The following TMEM181 variants were observed in gnomAD, a reference collection of about 807,000 sequenced individuals.
The protein encoded by TMEM181 is transmembrane protein 181, also known as G protein-coupled receptor 178.
A neutral mutation model predicts 71.9 loss-of-function variants in TMEM181; 39 were observed. That is an observed-to-expected ratio of 0.54 (90% CI 0.42 to 0.71). The LOEUF (loss-of-function observed/expected upper bound fraction) is 0.71, where lower values mean the gene tolerates loss of function less well. TMEM181 is among the 30% of genes least tolerant of loss of function. The pLI, the probability that TMEM181 is intolerant of heterozygous loss-of-function variation, is 0.00. For missense variants in TMEM181, 595 were observed against 583.0 expected, an observed-to-expected ratio of 1.02 and a Z score of -0.21; for synonymous variants, 245 against 228.8, an observed-to-expected ratio of 1.07 and a Z score of -0.64.
At chr6:158,559,713 A>C (rs996658229), upstream of TMEM181, among the ~76,000 whole-genome samples, 13 of 152,194 alleles carry the variant, frequency 8.5e-5, no homozygotes, top group Admixed American at 7.2e-4. Flanking sequence ...TTAGGGAATG[A>C]ATATACAGCT....
chr6:158,605,114 CAAAA>C (rs71812545), intron 6 of TMEM181, among the ~76,000 whole-genome samples, 149 bp from the exon 7 acceptor site: 15 of 41,888 alleles, frequency 3.6e-4, no homozygotes, highest in South Asian at 7.3e-4. Flanking sequence ...ACTCCATATC[CAAAA>C]AAAAAAAAAA....
At chr6:158,584,439 ATC>A (rs540335973) in intron 4 of TMEM181, among the ~76,000 whole-genome samples, 3 of 152,234 alleles carry the variant, frequency 2.0e-5, no homozygotes, top group Non-Finnish European at 2.9e-5. Flanking sequence ...TGCTCCAGGC[ATC>A]TAGTGGGTAG....
rs112893624 is a variant in TMEM181, at chr6:158,628,957, C to T, written c.1192+467C>T. On this transcript the variant is annotated intron_variant, in intron 14 of 16. Coordinates refer to ENST00000684151, the MANE Select transcript of TMEM181 (RefSeq NM_001376852.1). Reference sequence around the variant, plus strand: ...CCCCGGGATATCTCTCTCATCATCACGGAGATGTATCCAAGGGTATGACAG... The same window carrying T: ...CCCCGGGATATCTCTCTCATCATCATGGAGATGTATCCAAGGGTATGACAG... Among the ~76,000 whole-genome samples, 273 of 152,312 alleles carry T rather than the reference C, an allele frequency of 1.8e-3. 1 individual carries two copies. Among genetic ancestry groups the T allele is most frequent in the African/African-American group, 6.1e-3 (253 of 41,574 alleles).
chr6:158,550,524 C>T (rs765845956), intron 1 of TMEM181, among the ~76,000 whole-genome samples: 2 of 151,870 alleles, frequency 1.3e-5, no homozygotes, highest in East Asian at 3.9e-4. Flanking sequence ...GGCGTGGTGT[C>T]GCTTACCTGT....
chr6:158,631,407 A>G lies in TMEM181; in HGVS notation c.1349+18A>G. 3 of 1,613,986 alleles carry G rather than the reference A, an allele frequency of 1.9e-6. No individual in the cohort carries two copies. Among genetic ancestry groups the G allele is most frequent in the Non-Finnish European group, 2.5e-6 (3 of 1,179,846 alleles). The stretch of plus-strand genomic sequence containing the variant: ...ATTTATGGGTAAGTCCCTGTCCGTT[A>G]GAAGGCCGGCACACCTTGGGCATCC... On this transcript the variant is annotated intron_variant, in intron 16 of 16. Transcript: ENST00000684151.
At chr6:158,545,733 T>C (rs527450385) in intron 1 of TMEM181, among the ~76,000 whole-genome samples, 1 of 151,586 alleles carries the variant, frequency 6.6e-6, no homozygotes, top group African/African-American at 2.4e-5. Flanking sequence ...CAGGTTGGAG[T>C]GCAGTGGCTC....
intron 1 of TMEM181, among the ~76,000 whole-genome samples, chr6:158,568,536 G>T (rs1199215197): frequency 6.6e-6 from 1 of 152,212 alleles, no homozygotes; most frequent in Non-Finnish European, 1.5e-5. Flanking sequence ...ACCCTCTCCT[G>T]TTCGTAGGCT....
chr6:158,554,154 T>G (rs1048918640), intron 1 of TMEM181, among the ~76,000 whole-genome samples: 17 of 151,528 alleles, frequency 1.1e-4, no homozygotes, highest in African/African-American at 3.9e-4. Context: ...GGCCCGGTCT[T>G]GGCTCACTGC....
chr6:158,587,370 T>C (rs1783828306), intron 5 of TMEM181, among the ~76,000 whole-genome samples: 1 of 152,230 alleles, frequency 6.6e-6, no homozygotes, highest in Admixed American at 6.5e-5. Flanking sequence ...TACACTGTGT[T>C]ACCCCTTGGG....
intron 10 of TMEM181, among the ~76,000 whole-genome samples, chr6:158,613,496 C>T (rs1269591435): frequency 6.6e-6 from 1 of 151,344 alleles, no homozygotes; most frequent in Non-Finnish European, 1.5e-5. Context: ...GAATTCCTTT[C>T]CTCTTGAGGT....
At chr6:158,585,461 A>G in intron 5 of TMEM181, 36 bp downstream of exon 5, 1 of 1,518,786 alleles carries the variant, frequency 6.6e-7, no homozygotes, top group Non-Finnish European at 8.8e-7. Context: ...GTCAGTCCTC[A>G]GGCTGTGTAC....
rs745538261 is a variant in TMEM181, at chr6:158,629,833, G to A, written c.1282+14G>A. On this transcript the variant is annotated intron_variant, in intron 15 of 16. Transcript: ENST00000684151. ...ATGCCCTCTATGGTAAGCCACCCTG[G>A]GGTCTGGACTGCTGGCCAGTTAGCG... 6.2e-7 allele frequency: 1 copy of A among 1,607,916 alleles called. No individual in the cohort carries two copies. The highest frequency in any genetic ancestry group is 8.5e-7 in the Non-Finnish European group (1 of 1,174,368).
In TMEM181 at chr6:158,602,616, C is replaced by T. The variant is rs534752232; in HGVS notation, c.493-2651C>T. Among the ~76,000 whole-genome samples the T allele has an allele frequency of 1.3e-4, 19 of 148,512 alleles. No homozygotes were observed. The East Asian group carries it at 3.3e-3, about 26-fold the overall frequency. ...TTACATTGCAGTTTTAATTTATGTACTTTTTTTTTTTTGAGATGGGACCTT... is the reference window on the plus strand; with the variant it reads ...TTACATTGCAGTTTTAATTTATGTATTTTTTTTTTTTTGAGATGGGACCTT... On this transcript the variant is annotated intron_variant, in intron 6 of 16. Coordinates refer to ENST00000684151, the MANE Select transcript of TMEM181 (RefSeq NM_001376852.1).
intron 1 of TMEM181, among the ~76,000 whole-genome samples, chr6:158,569,303 T>G (rs1464523886): frequency 6.6e-6 from 1 of 152,210 alleles, no homozygotes; most frequent in African/African-American, 2.4e-5. Context: ...GGATGCCTGC[T>G]TGTCAGGAAA....
At chr6:158,542,407 G>A (rs1157666884) in intron 1 of TMEM181, among the ~76,000 whole-genome samples, 4 of 152,128 alleles carry the variant, frequency 2.6e-5, no homozygotes, top group South Asian at 4.1e-4. Context: ...TAATCTTCCC[G>A]ACAACCCTCA....
chr6:158,537,990 A>T lies in TMEM181; in HGVS notation c.131+1125A>T, dbSNP rs533367861. Among the ~76,000 whole-genome samples, 3 of 152,272 alleles carry T rather than the reference A, an allele frequency of 2.0e-5. No individual in the cohort carries two copies. The East Asian group carries it at 5.8e-4, about 29-fold the overall frequency. ...ACAAATGTAAAAAATCATGTGATGT[A>T]GCTTTGGGGCGAGCCTGGAAATCTG... On this transcript the variant is annotated intron_variant, in intron 1 of 16. Coordinates refer to the TMEM181 transcript ENST00000367090.
chr6:158,605,333 A>T lies in TMEM181; in HGVS notation c.559A>T (p.Thr187Ser), dbSNP rs916214098. 6.2e-7 allele frequency: 1 copy of T among 1,613,882 alleles called. No homozygotes were observed. Among genetic ancestry groups the T allele is most frequent in the Non-Finnish European group, 8.5e-7 (1 of 1,179,970 alleles). ...GTTCCGGTTTTTCTTTGTGGTGCTC[A>T]CCTTCATCGTCACTGTGAGTACCAT... ...IWFRFFFVVL[T>S]FIVTCLFAHS... Residue 187 changes from threonine (T) to serine (S), a missense_variant, in exon 7 of 17, where the codon ACC becomes TCC. By Grantham distance (58) the Thr-to-Ser change is moderately conservative. Transcript: ENST00000684151.
intron 16 of TMEM181, 49 bp from the exon 17 acceptor site, chr6:158,631,761 T>C (rs1374146860): frequency 6.5e-7 from 1 of 1,540,970 alleles, no homozygotes; most frequent in Non-Finnish European, 8.8e-7. Flanking sequence ...AAGAGGAAAA[T>C]AAAGAGCTGT....
rs149477279 is a variant in TMEM181, at chr6:158,601,801, T to C, written c.493-3466T>C. On this transcript the variant is annotated intron_variant, in intron 6 of 16. Coordinates refer to ENST00000684151, the MANE Select transcript of TMEM181 (RefSeq NM_001376852.1). ...CAAGGCTAAAAGGATACAAAAATTA[T>C]GTGAAGTAGGTTACTAGCATCCCCA... 7.2e-4 allele frequency among the ~76,000 whole-genome samples: 110 copies of C among 151,758 alleles called. 2 individuals are homozygous for C. In the East Asian group the frequency reaches 0.015, roughly 20 times the overall value.
Sources: allele counts gnomAD v4.1 joint callset (sites outside exome capture counted in the v4.1 genomes callset), GRCh38; gene constraint gnomAD v4.1.1; transcripts MANE v1.5; gene names NCBI Gene and HGNC (gene_info 2026-07-23, HGNC 2026-07-21).